KCNK12: variants seen among roughly 807,000 people sequenced by gnomAD.
The protein encoded by KCNK12 is potassium channel subfamily K member 12.
In KCNK12, 6 loss-of-function variants were observed where a neutral mutation model predicts 25.3. The ratio of observed to expected loss-of-function variants is 0.24; its 90% CI spans 0.13 to 0.47. KCNK12 has a LOEUF of 0.47. KCNK12 is among the 20% of genes least tolerant of loss of function. KCNK12 has a pLI of 0.99. For missense variants in KCNK12, 444 were observed against 661.7 expected (o/e 0.67, Z 3.61); for synonymous variants, 331 against 311.1 (o/e 1.06, Z -0.67).
chr2:47,534,152 G>A (rs1007882190), intron 1 of KCNK12, among the ~76,000 whole-genome samples: 9 of 152,000 alleles, frequency 5.9e-5, no homozygotes, highest in African/African-American at 2.2e-4. Context: ...GGTTAACTGG[G>A]AGCAAATGCA....
In KCNK12 at chr2:47,523,930, A is replaced by G. The variant is rs1049854409; in HGVS notation, c.392-2122T>C. Among the ~76,000 whole-genome samples, 3 of 152,236 alleles carry G rather than the reference A, an allele frequency of 2.0e-5. No homozygotes were observed. The South Asian group carries it at 6.2e-4, about 32-fold the overall frequency. On this transcript the variant is annotated intron_variant, in intron 1 of 1. Transcript: ENST00000327876. ...GTCCTATGTGGCTTACTAGTTTCCT[A>G]AACAGACTATAGAAAATATTTCTTG...
Position 47,570,393 on chromosome 2 carries a change from G to A in KCNK12, c.-62C>T. On this transcript the variant is annotated 5_prime_UTR_variant, in exon 1 of 2. Transcript: ENST00000327876. ...GGGGCCCGGGCCACGACATCCCCCC[G>A]GCGGGAGCAGGAGCGTGAGGATGGT... 2 of 1,211,146 alleles carry A rather than the reference G, an allele frequency of 1.7e-6. No individual in the cohort carries two copies. The highest frequency in any genetic ancestry group is 2.0e-6 in the Non-Finnish European group (2 of 975,916). 75.0% of individuals were successfully genotyped at this position (1,211,146 alleles called of 1,614,324 possible).
At chr2:47,539,707 C>T (rs1037741827) in intron 1 of KCNK12, among the ~76,000 whole-genome samples, 5 of 152,104 alleles carry the variant, frequency 3.3e-5, no homozygotes, top group Non-Finnish European at 2.9e-5. Context: ...AAGGGGGCAC[C>T]GCTGTGCGGA....
At chr2:47,527,062 A>G (rs1253574723) in intron 1 of KCNK12, among the ~76,000 whole-genome samples, 1 of 152,238 alleles carries the variant, frequency 6.6e-6, no homozygotes, top group African/African-American at 2.4e-5. Flanking sequence ...CAGCTTGGAA[A>G]TGGTGGAGCC....
rs1669116074 is a variant in KCNK12, at chr2:47,538,145, G to T, written c.392-16337C>A. 6.6e-6 allele frequency among the ~76,000 whole-genome samples: 1 copy of T among 152,214 alleles called. No individual in the cohort carries two copies. The highest frequency in any genetic ancestry group is 2.4e-5 in the African/African-American group (1 of 41,448). On this transcript the variant is annotated intron_variant, in intron 1 of 1. Coordinates refer to ENST00000327876, the MANE Select transcript of KCNK12 (RefSeq NM_022055.2). The surrounding 1 kb of genome is among the most constrained non-coding windows in gnomAD (Gnocchi z 4.5). ...CCTACTGTGGCCAGGAACTGTGCTA[G>T]GCCCTTGGGATTCAACAGTGATCTA...
intron 1 of KCNK12, chr2:47,563,445 T>G (rs1483718559): frequency 4.3e-6 from 1 of 233,168 alleles, no homozygotes; most frequent in Non-Finnish European, 8.5e-6. Context: ...GCAATATTGA[T>G]GTAACTCTTC....
Position 47,547,781 on chromosome 2 carries a change from A to G in KCNK12, c.391+22160T>C, listed in dbSNP as rs1669343962. Among the ~76,000 whole-genome samples, 1 of 152,096 alleles carries G rather than the reference A, an allele frequency of 6.6e-6. No individual in the cohort carries two copies. Among genetic ancestry groups the G allele is most frequent in the Non-Finnish European group, 1.5e-5 (1 of 68,022 alleles). On this transcript the variant is annotated intron_variant, in intron 1 of 1. Coordinates refer to ENST00000327876, the MANE Select transcript of KCNK12 (RefSeq NM_022055.2). This position sits in a 1 kb window ranked among gnomAD's most constrained non-coding sequence, Gnocchi z 5.0. ...CTTGGCGAATTTTTATATTTTTAGT[A>G]GAGAGGGGGTTTCACCGTGTTGGCC...
In KCNK12 at chr2:47,570,783, T is replaced by G. The variant is rs1210439274; in HGVS notation, c.-452A>C. ...AGGACCGGGACGCGGCAGCAAGGCG[T>G]GGAGAGAGCCCCCGGGGGCGTCCCA... is the stretch of plus-strand genomic sequence containing the variant. On this transcript the variant is annotated 5_prime_UTR_variant, in exon 1 of 2. Transcript: ENST00000327876. 6.6e-6 allele frequency: 1 copy of G among 151,868 alleles called. No homozygotes were observed. Among genetic ancestry groups the G allele is most frequent in the Non-Finnish European group, 1.5e-5 (1 of 68,218 alleles). The allele number at this position is 151,868 out of a possible 1,614,324, so 9.4% of individuals were successfully genotyped here. A position where few individuals can be genotyped will look rare whatever the true frequency, so the allele number is the denominator to read the frequency against.
Position 47,511,333 on chromosome 2 carries a change from G to A in KCNK12, c.*9574C>T, listed in dbSNP as rs1396504158. ...GAAGGGAGCAACCTCATGAGGTTTT[G>A]CTTTGTGTCTTAATTACAGCCATTT... On this transcript the variant is annotated 3_prime_UTR_variant, in exon 2 of 2. Transcript: ENST00000327876. The surrounding 1 kb of genome is among the most constrained non-coding windows in gnomAD (Gnocchi z 4.3). Among the ~76,000 whole-genome samples the A allele has an allele frequency of 6.6e-6, 1 of 152,144 alleles. No individual in the cohort carries two copies. The highest frequency in any genetic ancestry group is 1.5e-5 in the Non-Finnish European group (1 of 68,010).
intron 1 of KCNK12, among the ~76,000 whole-genome samples, chr2:47,537,278 G>A (rs932998205): frequency 2.6e-5 from 4 of 151,804 alleles, no homozygotes; most frequent in Non-Finnish European, 5.9e-5. Context: ...GCACACACGC[G>A]TACTTAATTC....
In KCNK12 at chr2:47,511,781, G is replaced by T. The variant is rs2104659763; in HGVS notation, c.*9126C>A. On this transcript the variant is annotated 3_prime_UTR_variant, in exon 2 of 2. Transcript: ENST00000327876. This position sits in a 1 kb window ranked among gnomAD's most constrained non-coding sequence, Gnocchi z 4.3. ...GGATCCCAGAGCTCTCATTAGAGCAGCCCTGCGTTGTAGACTTTTCTGCAG... is the reference window on the plus strand; with the variant it reads ...GGATCCCAGAGCTCTCATTAGAGCATCCCTGCGTTGTAGACTTTTCTGCAG... Among the ~76,000 whole-genome samples, 1 of 152,342 alleles carries T rather than the reference G, an allele frequency of 6.6e-6. No individual in the cohort carries two copies. Among genetic ancestry groups the T allele is most frequent in the African/African-American group, 2.4e-5 (1 of 41,582 alleles).
rs1201970841 is a variant in KCNK12 at position 47,570,208 on chromosome 2, G to A, written c.124C>T (p.Leu42=). Residue 42 remains leucine, a synonymous_variant, in exon 1 of 2, where the codon CTG becomes TTG. Coordinates refer to ENST00000327876, the MANE Select transcript of KCNK12 (RefSeq NM_022055.2). ...LNEDTGRFVL[L]AALIGLYLVA... ...AGGTAGAGGCCGATGAGCGCCGCCA[G>A]CAGCACGAAGCGGCCGGTGTCCTCG... 1.3e-6 allele frequency: 2 copies of A among 1,494,892 alleles called. No individual in the cohort carries two copies. The highest frequency in any genetic ancestry group is 1.4e-5 in the African/African-American group (1 of 69,284). 92.6% of individuals were successfully genotyped at this position (1,494,892 alleles called of 1,614,324 possible). A position where few individuals can be genotyped will look rare whatever the true frequency, so the allele number is the denominator to read the frequency against.
rs1669129819 is a variant in KCNK12, at chr2:47,538,683, A to G, written c.392-16875T>C. ...TTACTTGGAAGGCTGAGGCAGGAGA[A>G]TCATTTGAACCCAGGAGGCAGAGGC... On this transcript the variant is annotated intron_variant, in intron 1 of 1. Transcript: ENST00000327876. The surrounding 1 kb of genome is among the most constrained non-coding windows in gnomAD (Gnocchi z 4.5). Among the ~76,000 whole-genome samples the G allele has an allele frequency of 1.3e-5, 2 of 152,162 alleles. No homozygotes were observed.
Position 47,556,798 on chromosome 2 carries a change from A to G in KCNK12, c.391+13143T>C, listed in dbSNP as rs1326616294. On this transcript the variant is annotated intron_variant, in intron 1 of 1. Transcript: ENST00000327876. This position sits in a 1 kb window ranked among gnomAD's most constrained non-coding sequence, Gnocchi z 4.8. Reference sequence around the variant, plus strand: ...CTGTAGGTCTTACAGCCAAAGGATTATGATCTCACCCAAACAGGGTGATAT... The same window carrying G: ...CTGTAGGTCTTACAGCCAAAGGATTGTGATCTCACCCAAACAGGGTGATAT... Among the ~76,000 whole-genome samples, 1 of 152,242 alleles carries G rather than the reference A, an allele frequency of 6.6e-6. No homozygotes were observed. Among genetic ancestry groups the G allele is most frequent in the Non-Finnish European group, 1.5e-5 (1 of 68,054 alleles).
Position 47,521,495 on chromosome 2 carries a change from G to T in KCNK12, c.705C>A (p.Tyr235Ter). The T allele has an allele frequency of 1.2e-6, 2 of 1,601,186 alleles. No individual in the cohort carries two copies. The highest frequency in any genetic ancestry group is 1.1e-5 in the South Asian group (1 of 88,842). ...VLLSCCASAMYTSVEGWDYVD... is the reference protein window; with the variant it reads ...VLLSCCASAM ...CGTAGTCCCAGCCCTCCACGCTGGTGTACATGGCCGAGGCGCAGCAGGACA... is the reference window on the plus strand; with the variant it reads ...CGTAGTCCCAGCCCTCCACGCTGGTTTACATGGCCGAGGCGCAGCAGGACA... Residue 235 changes from tyrosine (Y) to a stop codon, truncating the protein, a stop_gained, in exon 2 of 2, where the codon TAC becomes TAA. Coordinates refer to ENST00000327876, the MANE Select transcript of KCNK12 (RefSeq NM_022055.2). LOFTEE classifies it high-confidence loss of function.
At chr2:47,553,828 C>T (rs1669492106) in intron 1 of KCNK12, among the ~76,000 whole-genome samples, 1 of 152,184 alleles carries the variant, frequency 6.6e-6, no homozygotes, top group South Asian at 2.1e-4. Context: ...GCAGGCTGGT[C>T]CTGACCTCAC....
At chr2:47,563,230 AC>A in intron 1 of KCNK12, 2 of 233,302 alleles carry the variant, frequency 8.6e-6, no homozygotes, top group Non-Finnish European at 1.7e-5. Flanking sequence ...CTCCTCAGAT[AC>A]CCACCCTTCT....
rs1252577039 is a variant in KCNK12 at position 47,516,562 on chromosome 2, G to A, written c.*4345C>T. ...GGCAGGCGGCTCTGACAGACAGAAA[G>A]CAAACAGCTCAGAGGGGTGGCAGGC... On this transcript the variant is annotated 3_prime_UTR_variant, in exon 2 of 2. Transcript: ENST00000327876. 2 of 152,280 alleles carry A rather than the reference G, an allele frequency of 1.3e-5. No individual in the cohort carries two copies. The highest frequency in any genetic ancestry group is 4.8e-5 in the African/African-American group (2 of 41,438). 9.4% of individuals were successfully genotyped at this position (152,280 alleles called of 1,614,324 possible).
At chr2:47,541,134 G>A (rs1305919638) in intron 1 of KCNK12, among the ~76,000 whole-genome samples, 1 of 152,122 alleles carries the variant, frequency 6.6e-6, no homozygotes, top group Non-Finnish European at 1.5e-5. Flanking sequence ...GTAGAGCTGC[G>A]CCCCAGTACC....
Sources: gnomAD v4.1 joint callset for allele counts (sites outside exome capture counted in the v4.1 genomes callset) on GRCh38, gnomAD v4.1.1 for gene constraint, Gnocchi (gnomAD v3.1) non-coding constraint, MANE v1.5 for transcripts, NCBI Gene and HGNC (gene_info 2026-07-23, HGNC 2026-07-21) for gene names.